Variants in DNAJC13 observed in about 807,000 individuals in gnomAD.
DNAJC13 encodes the protein DnaJ heat shock protein family (Hsp40) member C13, also known as dnaJ homolog subfamily C member 13.
A neutral mutation model predicts 290.5 loss-of-function variants in DNAJC13; 75 were observed. That is an observed-to-expected ratio of 0.26 (90% CI 0.21 to 0.31). DNAJC13 has a LOEUF of 0.31. Among genes scored for constraint, DNAJC13 ranks in the 10% least tolerant of loss-of-function variants. The probability of loss-of-function intolerance (pLI) is 1.00; values close to 1 mark genes in which losing one functional copy is unlikely to be tolerated. For missense variants in DNAJC13, 2,260 were observed against 2,674.5 expected (o/e 0.85, Z 3.42); for synonymous variants, 862 against 892.0 (o/e 0.97, Z 0.60).
chr3:132,498,892 G>A (rs1171590863), intron 36 of DNAJC13, among the ~76,000 whole-genome samples: 2 of 151,432 alleles, frequency 1.3e-5, no homozygotes, highest in Non-Finnish European at 3.0e-5. Context: ...ACTTTTTTGT[G>A]TTTTTAGTAG....
intron 9 of DNAJC13, among the ~76,000 whole-genome samples, chr3:132,455,882 CTGA>C (rs1391017162): frequency 2.0e-5 from 3 of 152,182 alleles, no homozygotes; most frequent in African/African-American, 7.2e-5. Flanking sequence ...TATATCAGAA[CTGA>C]TGATGATTAT....
Position 132,462,655 on chromosome 3 carries a change from C to T in DNAJC13, c.1770+132C>T, listed in dbSNP as rs546812745. On this transcript the variant is annotated intron_variant, in intron 16 of 55. Coordinates refer to ENST00000260818, the MANE Select transcript of DNAJC13 (RefSeq NM_015268.4). ...CTGGGTAAGAAAAGTAATTTTAAATCTTTATTATAAATTAGTTTTAAACTT... is the reference window on the plus strand; with the variant it reads ...CTGGGTAAGAAAAGTAATTTTAAATTTTTATTATAAATTAGTTTTAAACTT... 25 of 573,376 alleles carry T rather than the reference C, an allele frequency of 4.4e-5. No homozygotes were observed. In the African/African-American group the frequency reaches 4.9e-4, roughly 11 times the overall value. The allele number at this position is 573,376 out of a possible 1,614,324, so 35.5% of individuals were successfully genotyped here.
Position 132,488,350 on chromosome 3 carries a change from A to G in DNAJC13, c.3320A>G (p.Tyr1107Cys), listed in dbSNP as rs757335596. 5.0e-6 allele frequency: 8 copies of G among 1,613,452 alleles called. No individual in the cohort carries two copies. Among genetic ancestry groups the G allele is most frequent in the Non-Finnish European group, 6.8e-6 (8 of 1,179,742 alleles). ...GTTGAGAAGGTTGCTATTTTGTTATACCATATCATGCAAGATAACCCACAG... is the reference window on the plus strand; with the variant it reads ...GTTGAGAAGGTTGCTATTTTGTTATGCCATATCATGCAAGATAACCCACAG... The part of the protein sequence containing the change: ...ILVEKVAILL[Y>C]HIMQDNPQLP... The change falls in exon 30 of 56, where the codon TAC (tyrosine) becomes TGC (cysteine). Residue 1107 changes from tyrosine (Y) to cysteine (C), a missense_variant. Around this residue, in one of 3 missense-constraint regions of DNAJC13, gnomAD observed 1,494 missense variants for 1,693.7 expected, o/e 0.88. Coordinates refer to ENST00000260818, the MANE Select transcript of DNAJC13 (RefSeq NM_015268.4).
intron 53 of DNAJC13, among the ~76,000 whole-genome samples, chr3:132,527,177 A>G (rs1372090248): frequency 6.6e-6 from 1 of 152,246 alleles, no homozygotes; most frequent in Admixed American, 6.5e-5. Flanking sequence ...ATGTGTCATA[A>G]CATCACTTTA....
intron 48 of DNAJC13, among the ~76,000 whole-genome samples, chr3:132,517,412 T>C (rs1467713614): frequency 2.6e-5 from 4 of 152,188 alleles, no homozygotes; most frequent in Non-Finnish European, 4.4e-5. Flanking sequence ...GGTATCAATG[T>C]CCCTTTATTT....
In DNAJC13 at chr3:132,450,777, T is replaced by C. The variant is rs375141561; in HGVS notation, c.467T>C (p.Ile156Thr). 5 of 1,609,724 alleles carry C rather than the reference T, an allele frequency of 3.1e-6. No individual in the cohort carries two copies. The highest frequency in any genetic ancestry group is 1.3e-5 in the African/African-American group (1 of 74,786). Reference sequence around the variant, plus strand: ...CTCTGTTCCTATGACTATAGAAATATTGAAGGATTTGTAGATCTCTCAGAT... The same window carrying C: ...CTCTGTTCCTATGACTATAGAAATACTGAAGGATTTGTAGATCTCTCAGAT... ...RVLCSYDYRN[I>T]EGFVDLSDYQ... The change falls in exon 6 of 56, where the codon ATT becomes ACT. Residue 156 changes from isoleucine (I) to threonine (T), a missense_variant. This residue lies in a region of DNAJC13 where 762 missense variants were observed against 964.1 expected (regional missense o/e 0.79). Coordinates refer to ENST00000260818, the MANE Select transcript of DNAJC13 (RefSeq NM_015268.4).
intron 20 of DNAJC13, among the ~76,000 whole-genome samples, chr3:132,468,592 C>G (rs189537189): frequency 1.7e-3 from 252 of 152,284 alleles, no homozygotes; most frequent in Non-Finnish European, 1.2e-3. Context: ...CTAGTTTCAT[C>G]ACTTGTTAAT....
intron 1 of DNAJC13, among the ~76,000 whole-genome samples, chr3:132,432,565 A>G (rs1178604367): frequency 6.6e-6 from 1 of 152,244 alleles, no homozygotes; most frequent in African/African-American, 2.4e-5. Context: ...TAGCTAAGTC[A>G]CAAAAGAAAT....
In DNAJC13 at chr3:132,538,504, T is replaced by G. The variant is rs1203149744; in HGVS notation, c.*222T>G. 2.5e-6 allele frequency: 1 copy of G among 405,936 alleles called. No individual in the cohort carries two copies. Among genetic ancestry groups the G allele is most frequent in the Non-Finnish European group, 4.4e-6 (1 of 229,858 alleles). The allele number at this position is 405,936 out of a possible 1,614,324, so 25.1% of individuals were successfully genotyped here. ...AACATAAGTGGGTACACAAGAATTT[T>G]TTTTTTCTTGGTGTATGTAAGCACA... On this transcript the variant is annotated 3_prime_UTR_variant, in exon 56 of 56. Coordinates refer to ENST00000260818, the MANE Select transcript of DNAJC13 (RefSeq NM_015268.4).
At chr3:132,496,492 C>G in intron 35 of DNAJC13, 36 bp from the exon 36 acceptor site, 1 of 1,516,942 alleles carries the variant, frequency 6.6e-7, no homozygotes, top group Non-Finnish European at 8.8e-7. Flanking sequence ...TTGCGACATT[C>G]CAAATTAACG....
intron 1 of DNAJC13, among the ~76,000 whole-genome samples, chr3:132,429,316 C>A (rs1002939130): frequency 6.7e-6 from 1 of 149,898 alleles, no homozygotes; most frequent in African/African-American, 2.5e-5. Flanking sequence ...TTTTTTTTTC[C>A]TTAAAGTTGA....
intron 29 of DNAJC13, among the ~76,000 whole-genome samples, chr3:132,485,916 A>G (rs1226324936): frequency 6.6e-6 from 1 of 152,172 alleles, no homozygotes; most frequent in Non-Finnish European, 1.5e-5. Flanking sequence ...ATTAAGTTGT[A>G]TGCCAGTGAC....
At chr3:132,486,567 G>C (rs1452697164) in intron 29 of DNAJC13, among the ~76,000 whole-genome samples, 1 of 152,060 alleles carries the variant, frequency 6.6e-6, no homozygotes, top group African/African-American at 2.4e-5. Context: ...GATAAATCTA[G>C]CTTCGAACAG....
At position 132,488,374 on chromosome 3, in the gene DNAJC13, A is replaced by G. The variant is rs375075836; in HGVS notation, c.3344A>G (p.Gln1115Arg). Residue 1115 changes from glutamine (Q) to arginine (R), a missense_variant, in exon 30 of 56, where the codon CAG (glutamine) becomes CGG (arginine). Physicochemically the swap from Gln to Arg is conservative, Grantham distance 43. This residue lies in a region of DNAJC13 where 1,494 missense variants were observed against 1,693.7 expected (regional missense o/e 0.88). Coordinates refer to ENST00000260818, the MANE Select transcript of DNAJC13 (RefSeq NM_015268.4). ...LLYHIMQDNPQLPRLYLSGVF... is the reference protein window; with the variant it reads ...LLYHIMQDNPRLPRLYLSGVF... ...TACCATATCATGCAAGATAACCCAC[A>G]GTTACCCCGCCTTTATCTGAGTGGA... The G allele has an allele frequency of 4.5e-5, 73 of 1,613,622 alleles. No individual in the cohort carries two copies. The highest frequency in any genetic ancestry group is 6.0e-5 in the Non-Finnish European group (71 of 1,179,836).
Position 132,523,017 on chromosome 3 carries a change from A to T in DNAJC13, c.5843+20A>T, listed in dbSNP as rs775960870. The T allele has an allele frequency of 1.2e-6, 2 of 1,605,536 alleles. No individual in the cohort carries two copies. Among genetic ancestry groups the T allele is most frequent in the African/African-American group, 2.7e-5 (2 of 74,350 alleles). On this transcript the variant is annotated intron_variant, in intron 49 of 55. Transcript: ENST00000260818. ...GCTAGAGTAAGTAAAAACAAAGGTA[A>T]TAATTTATAGCCTTTAAATAAAATC...
chr3:132,510,835 C>T lies in DNAJC13; in HGVS notation c.5116-232C>T, dbSNP rs114034314. ...ATAAAGGGAGGAGGTATTCTAATCT[C>T]AGAATTGTTACACTAAGATACTAAT... On this transcript the variant is annotated intron_variant, in intron 43 of 55. Coordinates refer to ENST00000260818, the MANE Select transcript of DNAJC13 (RefSeq NM_015268.4). Among the ~76,000 whole-genome samples the T allele has an allele frequency of 7.0e-3, 1,069 of 152,178 alleles. 10 individuals are homozygous for T. Among genetic ancestry groups the T allele is most frequent in the African/African-American group, 0.024 (1,010 of 41,514 alleles).
In DNAJC13 at chr3:132,494,177, A is replaced by G. The variant is rs752198869; in HGVS notation, c.3859A>G (p.Lys1287Glu). Residue 1287 changes from lysine (K) to glutamate (E), a missense_variant, in exon 34 of 56, where the codon AAG becomes GAG. By Grantham distance (56) the Lys-to-Glu change is moderately conservative. This residue lies in a region of DNAJC13 where 1,494 missense variants were observed against 1,693.7 expected (regional missense o/e 0.88). Transcript: ENST00000260818. ...KLLKDTLDAW[K>E]KEVEKKPPMM... The stretch of plus-strand genomic sequence containing the variant: ...TCTAAAAGATACCCTTGATGCCTGG[A>G]AGAAAGAAGTAGAAAAGAAGCCACC... 8 of 1,612,742 alleles carry G rather than the reference A, an allele frequency of 5.0e-6. No homozygotes were observed. Among genetic ancestry groups the G allele is most frequent in the Non-Finnish European group, 6.8e-6 (8 of 1,179,438 alleles).
In DNAJC13 at chr3:132,422,035, CT is replaced by C. The variant is rs571900223; in HGVS notation, c.-14+4286del. ...GGACTTCTGGACTTTTTTCTTTTTC[CT>C]TTTTTTTTTTCTTTTTTCAGACCTC... On this transcript the variant is annotated intron_variant, in intron 1 of 55. Coordinates refer to ENST00000260818, the MANE Select transcript of DNAJC13 (RefSeq NM_015268.4). 2.9e-3 allele frequency among the ~76,000 whole-genome samples: 417 copies of C among 143,456 alleles called. 1 individual carries two copies. The highest frequency in any genetic ancestry group is 5.1e-3 in the Admixed American group (73 of 14,356). The allele number at this position is 143,456 out of a possible 152,430, so 94.1% of individuals were successfully genotyped here.
At chr3:132,472,468 T>C (rs1457679906) in intron 20 of DNAJC13, 7 of 706,108 alleles carry the variant, frequency 9.9e-6, no homozygotes, top group Non-Finnish European at 1.2e-5. Context: ...TAATTTTGTA[T>C]TGATGTGTAA....
Sources: gnomAD v4.1 joint callset for allele counts (sites outside exome capture counted in the v4.1 genomes callset) on GRCh38, gnomAD v4.1.1 for gene constraint, gnomAD v4.1.1 regional missense constraint, MANE v1.5 for transcripts, NCBI Gene and HGNC (gene_info 2026-07-23, HGNC 2026-07-21) for gene names.